Variants in ADK observed in about 807,000 individuals in gnomAD.
ADK encodes the protein adenosine kinase.
ADK carries 24 observed loss-of-function variants against 44.7 expected under a neutral mutation model. The ratio of observed to expected loss-of-function variants is 0.54; its 90% CI spans 0.39 to 0.76. The LOEUF is 0.76. ADK is among the 30% of genes least tolerant of loss of function. The pLI is 0.00. For missense variants in ADK, 321 were observed against 425.1 expected, an observed-to-expected ratio of 0.76 and a Z score of 2.15; for synonymous variants, 128 against 142.6, an observed-to-expected ratio of 0.90 and a Z score of 0.73.
chr10:74,416,059 CACACACAT>C (rs1329232106), intron 6 of ADK, among the ~76,000 whole-genome samples: 5 of 150,186 alleles, frequency 3.3e-5, no homozygotes, highest in African/African-American at 4.9e-5. Context: ...CACACACACA[CACACACAT>C]ATATGTAATG....
At chr10:74,465,905 T>C (rs1846338021) in intron 6 of ADK, among the ~76,000 whole-genome samples, 1 of 152,194 alleles carries the variant, frequency 6.6e-6, no homozygotes, top group Non-Finnish European at 1.5e-5. Context: ...AACTTGTGAC[T>C]TAGACTTTGA....
chr10:74,297,738 T>C (rs1839869400), intron 3 of ADK, among the ~76,000 whole-genome samples: 1 of 152,242 alleles, frequency 6.6e-6, no homozygotes, highest in Non-Finnish European at 1.5e-5. Flanking sequence ...ATGAATGTTA[T>C]ATGAAATTTA....
At chr10:74,349,143 A>G (rs1841874965) in intron 4 of ADK, among the ~76,000 whole-genome samples, 1 of 152,162 alleles carries the variant, frequency 6.6e-6, no homozygotes, top group African/African-American at 2.4e-5. Context: ...TGAAGGAAAA[A>G]ATGTTAAGGG....
chr10:74,506,608 G>A (rs1195466872), intron 6 of ADK: 1 of 152,394 alleles, frequency 6.6e-6, no homozygotes, highest in Non-Finnish European at 1.5e-5. Flanking sequence ...AAAAGCAACA[G>A]GTGGTAGTTA....
intron 3 of ADK, among the ~76,000 whole-genome samples, chr10:74,257,292 A>G (rs886964227): frequency 2.0e-5 from 3 of 152,092 alleles, no homozygotes; most frequent in East Asian, 1.9e-4. Context: ...TGAATTCTGT[A>G]TTTTCAATCC....
At chr10:74,416,603 A>T (rs1314167755) in intron 6 of ADK, among the ~76,000 whole-genome samples, 2 of 148,312 alleles carry the variant, frequency 1.3e-5, no homozygotes, top group African/African-American at 4.9e-5. Flanking sequence ...AAGTCCATGG[A>T]TGCTTTTCTC....
chr10:74,651,214 A>AT (rs201490565), intron 9 of ADK, among the ~76,000 whole-genome samples: 2 of 150,410 alleles, frequency 1.3e-5, no homozygotes, highest in Admixed American at 6.6e-5. Context: ...CAGGGTCTTA[A>AT]TTTTTTTTTT....
chr10:74,650,062 G>A (rs1267000852), intron 9 of ADK, among the ~76,000 whole-genome samples: 1 of 152,132 alleles, frequency 6.6e-6, no homozygotes, highest in Non-Finnish European at 1.5e-5. Flanking sequence ...TTCAGATTAA[G>A]CTAATCTTAG....
intron 3 of ADK, among the ~76,000 whole-genome samples, chr10:74,297,234 G>A: frequency 6.6e-6 from 1 of 152,134 alleles, no homozygotes; most frequent in East Asian, 1.9e-4. Context: ...TTTGAGTGTT[G>A]TATTTATGGA....
intron 1 of ADK, among the ~76,000 whole-genome samples, chr10:74,157,189 G>A (rs906353700): frequency 1.1e-4 from 16 of 152,198 alleles, no homozygotes; most frequent in Non-Finnish European, 2.4e-4. Context: ...CAAGCTTGGA[G>A]GTCGTGGACT....
chr10:74,469,188 A>T (rs916550694), intron 6 of ADK, among the ~76,000 whole-genome samples: 3 of 152,046 alleles, frequency 2.0e-5, no homozygotes, highest in Non-Finnish European at 2.9e-5. Flanking sequence ...AAATTATGAA[A>T]ATTAGCCGGG....
intron 10 of ADK, among the ~76,000 whole-genome samples, chr10:74,692,979 A>G (rs1856047349): frequency 1.3e-5 from 2 of 152,152 alleles, no homozygotes; most frequent in African/African-American, 4.8e-5. Flanking sequence ...AGTAGCTACC[A>G]TGGGCTGGAG....
At chr10:74,615,799 C>G (rs905511271) in intron 9 of ADK, among the ~76,000 whole-genome samples, 2 of 152,092 alleles carry the variant, frequency 1.3e-5, no homozygotes, top group Admixed American at 6.6e-5. Context: ...ATCTCCACCT[C>G]CTGGGTTCAA....
intron 3 of ADK, among the ~76,000 whole-genome samples, chr10:74,231,101 A>G (rs1455213227): frequency 2.0e-5 from 3 of 152,210 alleles, no homozygotes; most frequent in African/African-American, 7.2e-5. Flanking sequence ...TTTGGAAATC[A>G]CTTCAGACCT....
At chr10:74,241,269 G>A (rs921502012) in intron 3 of ADK, among the ~76,000 whole-genome samples, 3 of 152,212 alleles carry the variant, frequency 2.0e-5, no homozygotes, top group Non-Finnish European at 2.9e-5. Flanking sequence ...AAGATACAGA[G>A]ATTTCCCATA....
intron 6 of ADK, among the ~76,000 whole-genome samples, chr10:74,506,792 T>A (rs3862536): frequency 0.62 from 95,040 of 152,102 alleles, 31,677 homozygotes; most frequent in Middle Eastern, 0.78. Flanking sequence ...AATACATTTT[T>A]ATAGTTTTAT....
At chr10:74,632,885 T>G (rs1321231864) in intron 9 of ADK, among the ~76,000 whole-genome samples, 2 of 152,218 alleles carry the variant, frequency 1.3e-5, no homozygotes, top group Non-Finnish European at 2.9e-5. Flanking sequence ...TTATTTCTCC[T>G]TCCTTTTTAT....
intron 6 of ADK, among the ~76,000 whole-genome samples, chr10:74,519,188 G>T (rs935484488): frequency 1.3e-5 from 2 of 151,786 alleles, no homozygotes; most frequent in African/African-American, 4.8e-5. Flanking sequence ...TCTTTGAAAT[G>T]TACCTATTTT....
chr10:74,263,896 CT>C (rs1323788021), intron 3 of ADK, among the ~76,000 whole-genome samples: 1 of 151,978 alleles, frequency 6.6e-6, no homozygotes, highest in African/African-American at 2.4e-5. Context: ...ACAATTTATT[CT>C]TTGGTTGAGG....
Sources: allele counts gnomAD v4.1 joint callset (sites outside exome capture counted in the v4.1 genomes callset), GRCh38; gene constraint gnomAD v4.1.1; transcripts MANE v1.5; gene names NCBI Gene and HGNC (gene_info 2026-07-23, HGNC 2026-07-21).